FSTL4: variants seen among roughly 807,000 people sequenced by gnomAD.
The protein encoded by FSTL4 is follistatin-related protein 4.
Under a neutral mutation model 78.2 loss-of-function variants are expected in FSTL4, and 28 were observed. The ratio of observed to expected loss-of-function variants is 0.36; its 90% CI spans 0.27 to 0.49. The LOEUF (loss-of-function observed/expected upper bound fraction) is 0.49. Among genes scored for constraint, FSTL4 ranks in the 20% least tolerant of loss-of-function variants. FSTL4 has a pLI of 0.98. For missense variants in FSTL4, 922 were observed against 1,084.9 expected (o/e 0.85, Z 2.11); for synonymous variants, 422 against 440.5 (o/e 0.96, Z 0.53).
chr5:133,760,784 A>AATGAATATC, the FSTL4 span, among the ~76,000 whole-genome samples: 15 of 152,312 alleles, frequency 9.8e-5, no homozygotes, highest in African/African-American at 3.4e-4. Context: ...AAGCAAGAAA[A>AATGAATATC]ATGAATATCT....
At chr5:133,368,664 C>G (rs1755226480) in intron 4 of FSTL4, among the ~76,000 whole-genome samples, 1 of 152,214 alleles carries the variant, frequency 6.6e-6, no homozygotes, top group Non-Finnish European at 1.5e-5. Flanking sequence ...AGTTCCCTAG[C>G]ACGGGAGGTG....
chr5:133,411,424 T>C (rs754483718), intron 3 of FSTL4, among the ~76,000 whole-genome samples: 3 of 152,198 alleles, frequency 2.0e-5, no homozygotes, highest in Non-Finnish European at 1.5e-5. Context: ...ATGGTCACTA[T>C]TGAGATGTCA....
rs573260830 is a variant in FSTL4, at chr5:133,226,507, G to A, written c.1016-688C>T. Among the ~76,000 whole-genome samples the A allele has an allele frequency of 2.0e-5, 3 of 152,340 alleles. No individual in the cohort carries two copies. In the East Asian group the frequency reaches 5.8e-4, roughly 29 times the overall value. On this transcript the variant is annotated intron_variant, in intron 8 of 15. Transcript: ENST00000265342. The stretch of plus-strand genomic sequence containing the variant: ...TTCCTACCCAGCCTGGCTGTGGGGA[G>A]GGGCCTGGAAGAAGCAATGAGGGTC...
At chr5:133,352,537 G>T (rs1263923116) in intron 4 of FSTL4, among the ~76,000 whole-genome samples, 2 of 151,940 alleles carry the variant, frequency 1.3e-5, no homozygotes, top group African/African-American at 4.8e-5. Context: ...AGCCCCCCAA[G>T]TAGCTGGTAC....
At chr5:133,614,959 A>G (rs1268234931), upstream of FSTL4, among the ~76,000 whole-genome samples, 1 of 152,194 alleles carries the variant, frequency 6.6e-6, no homozygotes, top group Non-Finnish European at 1.5e-5. Flanking sequence ...CTGGTTTAAA[A>G]TCTTTTTTCT....
chr5:133,800,881 A>C, the FSTL4 span, among the ~76,000 whole-genome samples: 1 of 151,692 alleles, frequency 6.6e-6, no homozygotes, highest in Non-Finnish European at 1.5e-5. Context: ...CTGCTCAGCT[A>C]TATCTCTATT....
intron 7 of FSTL4, among the ~76,000 whole-genome samples, chr5:133,240,424 A>G (rs570315261): frequency 6.6e-6 from 1 of 152,328 alleles, no homozygotes; most frequent in South Asian, 2.1e-4. Context: ...CCCCTGGAAG[A>G]GGGCTGTTGT....
the FSTL4 span, among the ~76,000 whole-genome samples, chr5:133,748,745 C>T: frequency 6.6e-6 from 1 of 152,152 alleles, no homozygotes; most frequent in Non-Finnish European, 1.5e-5. Flanking sequence ...GAAATACAGG[C>T]ACACTCCACA....
At chr5:133,737,602 CTTTTTTTTTTT>C in the FSTL4 span, among the ~76,000 whole-genome samples, 2 of 117,626 alleles carry the variant, frequency 1.7e-5, no homozygotes, top group Admixed American at 9.3e-5. Flanking sequence ...GGCTGATTTC[CTTTTTTTTTTT>C]TTTTTTTTTG....
Position 133,424,177 on chromosome 5 carries a change from G to T in FSTL4, c.161-23191C>A, listed in dbSNP as rs562790930. Among the ~76,000 whole-genome samples, 8 of 152,346 alleles carry T rather than the reference G, an allele frequency of 5.3e-5. No individual in the cohort carries two copies. The South Asian group carries it at 1.7e-3, about 32-fold the overall frequency. ...GAGTCATGCAGCAGCTCCGAGGCAGGTGGTGCCCCTGAACTTTCTAGCCGT... is the reference window on the plus strand; with the variant it reads ...GAGTCATGCAGCAGCTCCGAGGCAGTTGGTGCCCCTGAACTTTCTAGCCGT... On this transcript the variant is annotated intron_variant, in intron 3 of 15. Transcript: ENST00000265342.
intron 4 of FSTL4, among the ~76,000 whole-genome samples, chr5:133,368,116 A>G (rs2126940408): frequency 6.6e-6 from 1 of 152,280 alleles, no homozygotes; most frequent in East Asian, 1.9e-4. Context: ...GCCTGATAAG[A>G]GCATCTTTGT....
At chr5:133,232,284 T>G (rs1751515957) in intron 8 of FSTL4, among the ~76,000 whole-genome samples, 1 of 152,162 alleles carries the variant, frequency 6.6e-6, no homozygotes, top group Non-Finnish European at 1.5e-5. Flanking sequence ...GGCAGAGTCA[T>G]GGAAGGGGAA....
At chr5:133,784,096 G>T in the FSTL4 span, among the ~76,000 whole-genome samples, 3 of 152,108 alleles carry the variant, frequency 2.0e-5, no homozygotes, top group Admixed American at 2.0e-4. Flanking sequence ...TAAATGGGAG[G>T]ATACGTACAG....
chr5:133,724,177 G>C, the FSTL4 span, among the ~76,000 whole-genome samples: 2 of 152,214 alleles, frequency 1.3e-5, no homozygotes, highest in African/African-American at 4.8e-5. Context: ...GTGGCCTTGG[G>C]AGAGCTCTCT....
chr5:133,453,724 C>T (rs1757427207), intron 3 of FSTL4, among the ~76,000 whole-genome samples: 1 of 152,230 alleles, frequency 6.6e-6, no homozygotes, highest in South Asian at 2.1e-4. Context: ...TGAAGGGCCA[C>T]CATGTCCAGC....
chr5:133,647,640 C>T, the FSTL4 span, among the ~76,000 whole-genome samples: 3 of 152,194 alleles, frequency 2.0e-5, no homozygotes, highest in East Asian at 3.8e-4. Context: ...GAAAGATGCA[C>T]ACACAGCCTC....
At chr5:133,363,877 G>A (rs569854181) in intron 4 of FSTL4, among the ~76,000 whole-genome samples, 24 of 152,088 alleles carry the variant, frequency 1.6e-4, no homozygotes, top group African/African-American at 5.1e-4. Flanking sequence ...CCCTCTCACC[G>A]CTGAGCTGGC....
At chr5:133,287,095 G>C (rs1447102472) in intron 6 of FSTL4, among the ~76,000 whole-genome samples, 1 of 152,172 alleles carries the variant, frequency 6.6e-6, no homozygotes, top group Admixed American at 6.5e-5. Context: ...GTGTGTTAAA[G>C]CTTTGTAGGT....
chr5:133,299,561 G>T (rs6893499), intron 6 of FSTL4, among the ~76,000 whole-genome samples: 6,010 of 152,236 alleles, frequency 0.039, 368 homozygotes, highest in African/African-American at 0.13. Context: ...AGCTGACTCT[G>T]GGTCTGGGGG....
Sources: gnomAD v4.1 joint callset for allele counts (sites outside exome capture counted in the v4.1 genomes callset) on GRCh38, gnomAD v4.1.1 for gene constraint, MANE v1.5 for transcripts, NCBI Gene and HGNC (gene_info 2026-07-23, HGNC 2026-07-21) for gene names.